PABPN1L: variants seen among roughly 807,000 people sequenced by gnomAD.
The protein encoded by PABPN1L is PABPN1 like, cytoplasmic.
A neutral mutation model predicts 34.0 loss-of-function variants in PABPN1L; 45 were observed. The observed-to-expected ratio is 1.32, with a 90% CI of 1.04 to 1.70. PABPN1L has a LOEUF of 1.70. Ranked by LOEUF, PABPN1L falls within the 40% of genes most tolerant of loss-of-function variation. The pLI is 0.00. For missense variants in PABPN1L, 459 were observed against 367.8 expected (o/e 1.25, Z -2.03); for synonymous variants, 182 against 152.1 (o/e 1.20, Z -1.45).
chr16:88,869,305 T>G (rs1968656237), upstream of PABPN1L, among the ~76,000 whole-genome samples: 1 of 152,238 alleles, frequency 6.6e-6, no homozygotes, highest in Admixed American at 6.5e-5. Flanking sequence ...GCTATGGCCC[T>G]GGACGCCCCT....
chr16:88,863,829 T>C lies in PABPN1L; in HGVS notation c.798-34A>G, dbSNP rs1024904063. 16 of 1,529,414 alleles carry C rather than the reference T, an allele frequency of 1.0e-5. No homozygotes were observed. The African/African-American group carries it at 2.1e-4, about 20-fold the overall frequency. 94.7% of individuals were successfully genotyped at this position (1,529,414 alleles called of 1,614,324 possible). A position where few individuals can be genotyped will look rare whatever the true frequency, so the allele number is the denominator to read the frequency against. ...AGAGAGAACACACACTGAGTGGCCT[T>C]CCAGAGGAGAAGGGGTGGTGGCCCA... is the stretch of plus-strand genomic sequence containing the variant. On this transcript the variant is annotated intron_variant, in intron 6 of 6. Transcript: ENST00000419291.
exon 1 of PABPN1L, chr16:88,866,361 C>A: frequency 6.5e-7 from 1 of 1,549,944 alleles, no homozygotes. Flanking sequence ...CCTGGTCAGG[C>A]AATGGGCACT....
At chr16:88,864,216 C>T in intron 6 of PABPN1L, 21 bp downstream of exon 6, 3 of 1,512,716 alleles carry the variant, frequency 2.0e-6, no homozygotes, top group Non-Finnish European at 2.6e-6. Context: ...CCCCAGGCTG[C>T]CCCCACAGGC....
chr16:88,869,552 A>G (rs1426064824), upstream of PABPN1L, among the ~76,000 whole-genome samples: 1 of 152,188 alleles, frequency 6.6e-6, no homozygotes, highest in East Asian at 1.9e-4. Flanking sequence ...CACCGAGGAC[A>G]GGTACGCTGG....
At chr16:88,868,878 T>G (rs1262879257), upstream of PABPN1L, among the ~76,000 whole-genome samples, 1 of 152,192 alleles carries the variant, frequency 6.6e-6, no homozygotes, top group Non-Finnish European at 1.5e-5. Flanking sequence ...AGCTGGCAGG[T>G]TCGCATTCGC....
At chr16:88,866,064 G>A (rs866997267) in intron 1 of PABPN1L, 123 bp from the exon 2 acceptor site, 5 of 1,394,980 alleles carry the variant, frequency 3.6e-6, no homozygotes, top group African/African-American at 2.9e-5. Flanking sequence ...TCTCTGGACA[G>A]GGACACTCCT....
chr16:88,867,834 T>C (rs541259602), upstream of PABPN1L, among the ~76,000 whole-genome samples: 166 of 152,318 alleles, frequency 1.1e-3, no homozygotes, highest in Non-Finnish European at 1.6e-3. Flanking sequence ...CCACCCACTC[T>C]GTGAAGGACT....
In PABPN1L at chr16:88,865,427, C is replaced by T. The variant is rs1260024047; in HGVS notation, c.459+136G>A. On this transcript the variant is annotated intron_variant, in intron 3 of 6. Transcript: ENST00000419291. ...GAATATGTGCCCAGGCCAGTGTTTC[C>T]TCAAGGTGACGGGGCTGCCCCCAGG... is the stretch of plus-strand genomic sequence containing the variant. 5.3e-6 allele frequency: 6 copies of T among 1,125,462 alleles called. No individual in the cohort carries two copies. The East Asian group carries it at 1.6e-4, about 29-fold the overall frequency. 69.7% of individuals were successfully genotyped at this position (1,125,462 alleles called of 1,614,324 possible).
upstream of PABPN1L, among the ~76,000 whole-genome samples, chr16:88,867,017 G>A (rs1968619216): frequency 6.6e-6 from 1 of 152,208 alleles, no homozygotes; most frequent in South Asian, 2.1e-4. Context: ...CTAGTACCAG[G>A]GACCAAGCAG....
chr16:88,866,763 G>A, upstream of PABPN1L: 2 of 1,095,006 alleles, frequency 1.8e-6, no homozygotes, highest in East Asian at 2.7e-5. Context: ...TGAGCTTCCA[G>A]CCTTGGCTCC....
chr16:88,866,238 G>A, intron 1 of PABPN1L, 114 bp downstream of exon 1: 1 of 1,430,930 alleles, frequency 7.0e-7, no homozygotes, highest in Non-Finnish European at 9.2e-7. Context: ...GGTGGGCAAT[G>A]GCCCTCTCCC....
intron 3 of PABPN1L, 103 bp from the exon 4 acceptor site, chr16:88,865,231 C>T (rs951925231): frequency 3.3e-5 from 41 of 1,260,790 alleles, no homozygotes; most frequent in Non-Finnish European, 3.9e-5. Context: ...GGCCCCGTGG[C>T]GGGGATGGCC....
At chr16:88,866,006 GTGGCCTGCCAGC>G in intron 1 of PABPN1L, 65 bp from the exon 2 acceptor site, 1 of 1,497,908 alleles carries the variant, frequency 6.7e-7, no homozygotes, top group South Asian at 1.3e-5. Context: ...AGGTGGGTGT[GTGGCCTGCCAGC>G]TCCAGCAGAG....
upstream of PABPN1L, chr16:88,866,774 C>A: frequency 4.3e-6 from 4 of 927,204 alleles, no homozygotes; most frequent in East Asian, 5.5e-5. Flanking sequence ...CCTTGGCTCC[C>A]GGCCCCGCCC....
intron 6 of PABPN1L, 45 bp from the exon 7 acceptor site, chr16:88,863,840 AGG>A: frequency 6.6e-7 from 1 of 1,521,182 alleles, no homozygotes; most frequent in East Asian, 2.5e-5. Flanking sequence ...CCAGAGGAGA[AGG>A]GGTGGTGGCC....
At chr16:88,868,828 T>A (rs758849429), upstream of PABPN1L, among the ~76,000 whole-genome samples, 7 of 152,174 alleles carry the variant, frequency 4.6e-5, no homozygotes, top group East Asian at 1.3e-3. Flanking sequence ...TCAGCGACTC[T>A]GCGTTTCCAC....
At chr16:88,865,126 C>G in exon 4 of PABPN1L, 1 of 1,567,146 alleles carries the variant, frequency 6.4e-7, no homozygotes, top group Non-Finnish European at 8.6e-7. Context: ...CCCCGTAGTC[C>G]ACCTGCACCC....
At chr16:88,868,731 C>A (rs1374323564), upstream of PABPN1L, among the ~76,000 whole-genome samples, 1 of 152,142 alleles carries the variant, frequency 6.6e-6, no homozygotes, top group African/African-American at 2.4e-5. Flanking sequence ...TGGTAGCGTT[C>A]CTTTGAATCT....
At chr16:88,865,661 C>T (rs1433217375) in intron 2 of PABPN1L, 31 bp from the exon 3 acceptor site, 2 of 1,580,802 alleles carry the variant, frequency 1.3e-6, no homozygotes, top group African/African-American at 1.4e-5. Flanking sequence ...GCCCGCAGGC[C>T]CTTGGTTCCT....
Sources: allele counts gnomAD v4.1 joint callset (sites outside exome capture counted in the v4.1 genomes callset), GRCh38; gene constraint gnomAD v4.1.1; transcripts MANE v1.5; gene names NCBI Gene and HGNC (gene_info 2026-07-23, HGNC 2026-07-21).